Variants in NUDT18 observed in about 807,000 individuals in gnomAD.
NUDT18 encodes nudix hydrolase 18.
A neutral mutation model predicts 27.6 loss-of-function variants in NUDT18; 26 were observed. That is an observed-to-expected ratio of 0.94 (90% CI 0.69 to 1.31). The LOEUF is 1.31. Among genes scored for constraint, NUDT18 ranks in the 50% most tolerant of loss-of-function variants. The pLI is 0.00. For synonymous variants in NUDT18, 220 were observed against 196.9 expected (o/e 1.12, Z -0.98); for missense variants, 450 against 433.4 (o/e 1.04, Z -0.34).
upstream of NUDT18, chr8:22,109,483 C>T (rs528159947): frequency 3.8e-6 from 2 of 525,732 alleles, no homozygotes; most frequent in Non-Finnish European, 6.2e-6. Flanking sequence ...GGCTGCGCGG[C>T]GCCGCGGCCT....
Position 22,108,283 on chromosome 8 carries a change from C to A in NUDT18, c.226G>T (p.Gly76Trp). ...ECRGSWYLPA[G>W]RMEPGETIVE... ...ATGGTCTCCCCTGGCTCCATTCTCCCCGCAGGCAGGTACCACGACCCCCGG... is the reference window on the plus strand; with the variant it reads ...ATGGTCTCCCCTGGCTCCATTCTCCACGCAGGCAGGTACCACGACCCCCGG... Residue 76 changes from glycine to tryptophan, a missense_variant, in exon 2 of 3, where the codon GGG becomes TGG. By Grantham distance (184) the Gly-to-Trp change is radical. Transcript: ENST00000611621. 2 of 1,595,684 alleles carry A rather than the reference C, an allele frequency of 1.3e-6. No homozygotes were observed. The highest frequency in any genetic ancestry group is 8.5e-7 in the Non-Finnish European group (1 of 1,172,328).
Position 22,109,136 on chromosome 8 carries a change from C to T in NUDT18, c.162+3G>A. ...CCCGGCGGGCCCGGGGGCGGCCGCT[C>T]ACCTGCTCGCTGAGGAACACGGCCA... On this transcript the variant is annotated splice_donor_region_variant and intron_variant, in intron 1 of 2. Coordinates refer to ENST00000611621, the MANE Select transcript of NUDT18 (RefSeq NM_024815.4). 7.0e-7 allele frequency: 1 copy of T among 1,428,574 alleles called. No homozygotes were observed. The highest frequency in any genetic ancestry group is 9.1e-7 in the Non-Finnish European group (1 of 1,102,506). 88.5% of individuals were successfully genotyped at this position (1,428,574 alleles called of 1,614,324 possible).
chr8:22,108,222 G>T lies in NUDT18; in HGVS notation c.287C>A (p.Ala96Glu). Residue 96 changes from alanine to glutamate, a missense_variant, in exon 2 of 3, where the codon GCG (alanine) becomes GAG (glutamate). Ala to Glu is a moderately radical substitution (Grantham distance 107, BLOSUM62 -1). Coordinates refer to ENST00000611621, the MANE Select transcript of NUDT18 (RefSeq NM_024815.4). ...EALQREVKEE[A>E]GLHCEPETLL... is the part of the protein sequence containing the mutation. ...TGTCTCGGGCTCACAGTGCAGCCCC[G>T]CCTCCTCCTTCACCTCCCGCTGCAG... The T allele has an allele frequency of 6.3e-7, 1 of 1,596,474 alleles. No individual in the cohort carries two copies. Among genetic ancestry groups the T allele is most frequent in the Admixed American group, 1.7e-5 (1 of 57,518 alleles).
At position 22,109,397 on chromosome 8, in the gene NUDT18, G is replaced by GAGACCGCTCCCAGTCC; in HGVS notation, c.-98_-97insGGACTGGGAGCGGTCT. On this transcript the variant is annotated 5_prime_UTR_variant, in exon 1 of 3. Transcript: ENST00000611621. The stretch of plus-strand genomic sequence containing the variant: ...GCGGAGCCCGCTCCCAGTCCCTGCG[G>GAGACCGCTCCCAGTCC]CAGCGGGCCGGGAGCTCACGAGAAC... 5.9e-4 allele frequency: 685 copies of GAGACCGCTCCCAGTCC among 1,170,210 alleles called. 1 individual carries two copies. The highest frequency in any genetic ancestry group is 1.1e-3 in the Middle Eastern group (4 of 3,522). The allele number at this position is 1,170,210 out of a possible 1,614,324, so 72.5% of individuals were successfully genotyped here.
chr8:22,107,897 TG>T lies in NUDT18; in HGVS notation c.377-3del, dbSNP rs770699597. ...CCTTGGAAGTCTTGAGAATTCCACC[TG>T]GGGGAGATGTGGGGGATGGGGCAGG... On this transcript the variant is annotated splice_region_variant and splice_polypyrimidine_tract_variant and intron_variant, in intron 2 of 2. Transcript: ENST00000611621. 1.3e-6 allele frequency: 2 copies of T among 1,566,940 alleles called. No homozygotes were observed. The highest frequency in any genetic ancestry group is 2.3e-5 in the East Asian group (1 of 44,404).
upstream of NUDT18, chr8:22,109,646 A>G: frequency 2.1e-6 from 1 of 473,416 alleles, no homozygotes; most frequent in Non-Finnish European, 4.2e-6. Context: ...CCCAGCCGCC[A>G]CCCGCTCGCC....
upstream of NUDT18, chr8:22,109,458 C>T (rs915803912): frequency 1.6e-6 from 1 of 610,288 alleles, no homozygotes; most frequent in Non-Finnish European, 2.6e-6. Flanking sequence ...CGCACGCGAG[C>T]TCTGGCCGCT....
rs770063992 is a variant in NUDT18, at chr8:22,107,695, C to T, written c.577G>A (p.Val193Met). ...LPCDLVCQRL[V>M]ATFTSAQTVW... ...GTCTGGGCGCTGGTAAAGGTAGCCA[C>T]GAGCCGCTGGCAGACCAGATCACAG... The change falls in exon 3 of 3, where the codon GTG (valine) becomes ATG (methionine). Residue 193 changes from valine to methionine, a missense_variant. Transcript: ENST00000611621. 6.2e-7 allele frequency: 1 copy of T among 1,610,776 alleles called. No individual in the cohort carries two copies. The highest frequency in any genetic ancestry group is 1.7e-5 in the Admixed American group (1 of 59,706).
Position 22,108,329 on chromosome 8 carries a change from G to A in NUDT18, c.180C>T (p.Ile60=), listed in dbSNP as rs1252185376. 2 of 1,579,602 alleles carry A rather than the reference G, an allele frequency of 1.3e-6. No homozygotes were observed. Among genetic ancestry groups the A allele is most frequent in the Non-Finnish European group, 1.7e-6 (2 of 1,164,650 alleles). ...FLSEQDEVLL[I]QEAKRECRGS... ...CCCGGCACTCCCTCTTGGCCTCCTGGATCAGTAGCACCTCATCCTGAGAGG... is the reference window on the plus strand; with the variant it reads ...CCCGGCACTCCCTCTTGGCCTCCTGAATCAGTAGCACCTCATCCTGAGAGG... The change falls in exon 2 of 3, where the codon ATC becomes ATT. Residue 60 remains isoleucine (I), a synonymous_variant. Transcript: ENST00000611621.
Position 22,107,743 on chromosome 8 carries a change from G to A in NUDT18, c.529C>T (p.Leu177Phe). The A allele has an allele frequency of 1.2e-6, 2 of 1,613,678 alleles. No homozygotes were observed. The highest frequency in any genetic ancestry group is 1.7e-6 in the Non-Finnish European group (2 of 1,179,862). Reference protein sequence around the residue: ...AQYRQQARHPLILPQELPCDL... With the variant: ...AQYRQQARHPFILPQELPCDL... The stretch of plus-strand genomic sequence containing the variant: ...CAGGGTAGCTCTTGGGGCAGAATGA[G>A]AGGGTGCCTGGCTTGCTGGCGATAC... The change falls in exon 3 of 3, where the codon CTC becomes TTC. Residue 177 changes from leucine to phenylalanine, a missense_variant. Leu to Phe is a conservative substitution (Grantham distance 22). Coordinates refer to ENST00000611621, the MANE Select transcript of NUDT18 (RefSeq NM_024815.4).
rs960454919 is a variant in NUDT18, at chr8:22,106,917, G to A, written c.*383C>T. The A allele has an allele frequency of 5.6e-6, 1 of 179,778 alleles. No individual in the cohort carries two copies. Among genetic ancestry groups the A allele is most frequent in the Non-Finnish European group, 1.2e-5 (1 of 85,916 alleles). The allele number at this position is 179,778 out of a possible 1,614,324, so 11.1% of individuals were successfully genotyped here. A position where few individuals can be genotyped will look rare whatever the true frequency, so the allele number is the denominator to read the frequency against. On this transcript the variant is annotated 3_prime_UTR_variant, in exon 3 of 3. Transcript: ENST00000611621. ...TTACTCAGCAACGTGCTCCTCCCTCGGGGGACCTTCCCCAGTGCCCCTCCA... is the reference window on the plus strand; with the variant it reads ...TTACTCAGCAACGTGCTCCTCCCTCAGGGGACCTTCCCCAGTGCCCCTCCA...
chr8:22,109,378 C>CCCGCTCTCAGTCCCTGCGGAGA lies in NUDT18; in HGVS notation c.-79_-78insTCTCCGCAGGGACTGAGAGCGG. On this transcript the variant is annotated 5_prime_UTR_variant, in exon 1 of 3. Transcript: ENST00000611621. ...CCGCGGGCTAGAGTGCGCTGCGGAGCCCGCTCCCAGTCCCTGCGGCAGCGG... is the reference window on the plus strand; with the variant it reads ...CCGCGGGCTAGAGTGCGCTGCGGAGCCCGCTCTCAGTCCCTGCGGAGACCGCTCCCAGTCCCTGCGGCAGCGG... 1 of 1,195,274 alleles carries CCCGCTCTCAGTCCCTGCGGAGA rather than the reference C, an allele frequency of 8.4e-7. No homozygotes were observed. Among genetic ancestry groups the CCCGCTCTCAGTCCCTGCGGAGA allele is most frequent in the Non-Finnish European group, 1.1e-6 (1 of 931,084 alleles). The allele number at this position is 1,195,274 out of a possible 1,614,324, so 74.0% of individuals were successfully genotyped here.
chr8:22,107,703 T>C lies in NUDT18; in HGVS notation c.569A>G (p.Gln190Arg). 1 of 1,613,342 alleles carries C rather than the reference T, an allele frequency of 6.2e-7. No individual in the cohort carries two copies. Among genetic ancestry groups the C allele is most frequent in the South Asian group, 1.1e-5 (1 of 91,046 alleles). ...GCTGGTAAAGGTAGCCACGAGCCGC[T>C]GGCAGACCAGATCACAGGGTAGCTC... Reference protein sequence around the residue: ...PQELPCDLVCQRLVATFTSAQ... With the variant: ...PQELPCDLVCRRLVATFTSAQ... Residue 190 changes from glutamine to arginine, a missense_variant, in exon 3 of 3, where the codon CAG (glutamine) becomes CGG (arginine). Coordinates refer to ENST00000611621, the MANE Select transcript of NUDT18 (RefSeq NM_024815.4).
intron 1 of NUDT18, among the ~76,000 whole-genome samples, chr8:22,108,621 TCAC>T (rs747086022): frequency 6.6e-6 from 1 of 152,154 alleles, no homozygotes; most frequent in Non-Finnish European, 1.5e-5. Context: ...AGAGTGAGGG[TCAC>T]CATGTGTCTG....
upstream of NUDT18, among the ~76,000 whole-genome samples, chr8:22,110,256 G>A (rs1174852382): frequency 1.3e-5 from 2 of 152,236 alleles, no homozygotes; most frequent in African/African-American, 4.8e-5. Flanking sequence ...CCCACCCAGC[G>A]TGCAGGACCT....
upstream of NUDT18, among the ~76,000 whole-genome samples, chr8:22,110,238 G>A (rs1448524378): frequency 6.6e-6 from 1 of 152,224 alleles, no homozygotes; most frequent in Non-Finnish European, 1.5e-5. Context: ...CATCCTTGTC[G>A]TCACCCTCCC....
At chr8:22,108,053 G>A (rs944134320) in intron 2 of NUDT18, 80 bp downstream of exon 2, 9 of 1,401,298 alleles carry the variant, frequency 6.4e-6, no homozygotes, top group Non-Finnish European at 8.5e-6. Context: ...AGGACTGGCT[G>A]TAGAGGGGCT....
upstream of NUDT18, chr8:22,109,870 C>T (rs1298567067): frequency 1.8e-5 from 7 of 399,158 alleles, no homozygotes; most frequent in South Asian, 5.3e-5. Context: ...CCTTTCTTCT[C>T]ATTCCACCAA....
Position 22,109,379 on chromosome 8 carries a change from C to T in NUDT18, c.-79G>A. ...CGCGGGCTAGAGTGCGCTGCGGAGC[C>T]CGCTCCCAGTCCCTGCGGCAGCGGG... On this transcript the variant is annotated 5_prime_UTR_variant, in exon 1 of 3. Coordinates refer to ENST00000611621, the MANE Select transcript of NUDT18 (RefSeq NM_024815.4). 8.3e-7 allele frequency: 1 copy of T among 1,209,914 alleles called. No individual in the cohort carries two copies. The allele number at this position is 1,209,914 out of a possible 1,614,324, so 74.9% of individuals were successfully genotyped here.
Sources: allele counts gnomAD v4.1 joint callset (sites outside exome capture counted in the v4.1 genomes callset), GRCh38; gene constraint gnomAD v4.1.1; transcripts MANE v1.5; gene names NCBI Gene and HGNC (gene_info 2026-07-23, HGNC 2026-07-21).